The following SLC4A10 variants were observed in gnomAD, a reference collection of about 807,000 sequenced individuals.
SLC4A10 encodes the protein sodium-driven chloride bicarbonate exchanger.
In SLC4A10, 42 loss-of-function variants were observed where a neutral mutation model predicts 137.7. The observed-to-expected ratio is 0.30, with a 90% CI of 0.24 to 0.39. The LOEUF (loss-of-function observed/expected upper bound fraction) is 0.39. Among genes scored for constraint, SLC4A10 ranks in the 10% least tolerant of loss-of-function variants. The pLI, the probability that SLC4A10 is intolerant of heterozygous loss-of-function variation, is 1.00. For synonymous variants in SLC4A10, 474 were observed against 464.1 expected, an observed-to-expected ratio of 1.02 and a Z score of -0.27; for missense variants, 925 against 1,355.0, an observed-to-expected ratio of 0.68 and a Z score of 4.98.
At chr2:161,651,736 A>G (rs1169399281) in intron 1 of SLC4A10, among the ~76,000 whole-genome samples, 13 of 152,192 alleles carry the variant, frequency 8.5e-5, no homozygotes, top group Admixed American at 7.9e-4. Flanking sequence ...CTGCCCCACC[A>G]CAGCAGCTGG....
At chr2:161,880,844 C>T (rs748178034) in intron 9 of SLC4A10, among the ~76,000 whole-genome samples, 1 of 151,952 alleles carries the variant, frequency 6.6e-6, no homozygotes, top group Non-Finnish European at 1.5e-5. Flanking sequence ...CAAATGATGG[C>T]TATTTACGAC....
chr2:161,810,017 C>T (rs1442036955), intron 3 of SLC4A10, among the ~76,000 whole-genome samples: 4 of 151,866 alleles, frequency 2.6e-5, no homozygotes, highest in African/African-American at 4.8e-5. Flanking sequence ...GAGTGTGGAA[C>T]ATTTTTACAT....
In SLC4A10 at chr2:161,964,192, T is replaced by C. The variant is rs747209025; in HGVS notation, c.2920T>C (p.Tyr974His). The C allele has an allele frequency of 1.2e-6, 2 of 1,613,016 alleles. No homozygotes were observed. The highest frequency in any genetic ancestry group is 1.7e-6 in the Non-Finnish European group (2 of 1,179,446). Reference sequence around the variant, plus strand: ...GGCAAAACATCAACCAGATTTTATATACCTAAGGCACGTACCGCTTCGAAA... The same window carrying C: ...GGCAAAACATCAACCAGATTTTATACACCTAAGGCACGTACCGCTTCGAAA... ...MPAKHQPDFI[Y>H]LRHVPLRKVH... is the part of the protein sequence containing the mutation. Residue 974 changes from tyrosine to histidine, a missense_variant, in exon 22 of 27, where the codon TAC (tyrosine) becomes CAC (histidine). Physicochemically the swap from Tyr to His is moderately conservative, Grantham distance 83 (BLOSUM62 2). Around this residue, in one of 11 missense-constraint regions of SLC4A10, gnomAD observed 115 missense variants for 237.5 expected, o/e 0.48. Transcript: ENST00000446997.
At chr2:161,939,096 G>A (rs1466076277) in intron 15 of SLC4A10, among the ~76,000 whole-genome samples, 1 of 150,944 alleles carries the variant, frequency 6.6e-6, no homozygotes, top group African/African-American at 2.4e-5. Context: ...TTATTTTATT[G>A]AGACCAGTCT....
intron 1 of SLC4A10, among the ~76,000 whole-genome samples, chr2:161,632,893 G>A (rs1261726511): frequency 6.6e-6 from 1 of 151,560 alleles, no homozygotes; most frequent in African/African-American, 2.4e-5. Flanking sequence ...ACTAAGTTTT[G>A]CCATAAAACA....
At chr2:161,792,133 C>T (rs1000555418) in intron 2 of SLC4A10, among the ~76,000 whole-genome samples, 3 of 152,012 alleles carry the variant, frequency 2.0e-5, no homozygotes, top group Admixed American at 2.0e-4. Flanking sequence ...TATATTTGCT[C>T]TTTAATGTGA....
intron 2 of SLC4A10, among the ~76,000 whole-genome samples, chr2:161,792,444 C>T (rs2125540764): frequency 6.6e-6 from 1 of 151,336 alleles, no homozygotes; most frequent in East Asian, 1.9e-4. Flanking sequence ...GTTTTCTAGA[C>T]ATCTGAGACT....
At chr2:161,730,626 TCAAA>T (rs2046726301) in intron 1 of SLC4A10, among the ~76,000 whole-genome samples, 1 of 152,186 alleles carries the variant, frequency 6.6e-6, no homozygotes, top group Non-Finnish European at 1.5e-5. Context: ...CTGAATTTGT[TCAAA>T]CAAAGGTTAG....
rs2061086079 is a variant in SLC4A10, at chr2:161,871,040, C to T, written c.767-1253C>T. Among the ~76,000 whole-genome samples, 5 of 151,916 alleles carry T rather than the reference C, an allele frequency of 3.3e-5. No homozygotes were observed. In the South Asian group the frequency reaches 1.0e-3, roughly 32 times the overall value. ...GAGGCTTACTAGTCCAAAAAGCAAACTTATAGTAATATTTGAAAGTAAATA... is the reference window on the plus strand; with the variant it reads ...GAGGCTTACTAGTCCAAAAAGCAAATTTATAGTAATATTTGAAAGTAAATA... On this transcript the variant is annotated intron_variant, in intron 6 of 26. Transcript: ENST00000446997.
At chr2:161,808,493 G>A (rs2056225105) in intron 3 of SLC4A10, among the ~76,000 whole-genome samples, 1 of 152,032 alleles carries the variant, frequency 6.6e-6, no homozygotes, top group Non-Finnish European at 1.5e-5. Context: ...TGTGATGCTG[G>A]GGTTTGGGAT....
At chr2:161,633,412 A>G (rs189308258) in intron 1 of SLC4A10, among the ~76,000 whole-genome samples, 89 of 151,862 alleles carry the variant, frequency 5.9e-4, no homozygotes, top group African/African-American at 1.8e-3. Flanking sequence ...CAACACTAGC[A>G]GACATTAATT....
chr2:161,652,918 G>C (rs961290205), intron 1 of SLC4A10, among the ~76,000 whole-genome samples: 3 of 151,638 alleles, frequency 2.0e-5, no homozygotes, highest in Non-Finnish European at 4.4e-5. Flanking sequence ...TTGTTACACA[G>C]GTATACACGT....
intron 7 of SLC4A10, among the ~76,000 whole-genome samples, chr2:161,873,244 G>C (rs2061247486): frequency 6.6e-6 from 1 of 152,160 alleles, no homozygotes; most frequent in Non-Finnish European, 1.5e-5. Context: ...GACAACTGAA[G>C]TGAAATCATT....
intron 22 of SLC4A10, 81 bp from the exon 23 acceptor site, chr2:161,964,970 C>G: frequency 7.6e-7 from 1 of 1,321,480 alleles, no homozygotes; most frequent in Non-Finnish European, 1.0e-6. Context: ...GAAATTGTTT[C>G]TACCAAAAAC....
intron 3 of SLC4A10, among the ~76,000 whole-genome samples, chr2:161,810,562 G>T (rs573145023): frequency 6.6e-6 from 1 of 151,990 alleles, no homozygotes; most frequent in Non-Finnish European, 1.5e-5. Context: ...CCTGTTGAGG[G>T]TATTTTATCA....
At chr2:161,650,012 T>C (rs2036567523) in intron 1 of SLC4A10, among the ~76,000 whole-genome samples, 1 of 152,236 alleles carries the variant, frequency 6.6e-6, no homozygotes, top group Non-Finnish European at 1.5e-5. Flanking sequence ...AACATTGGTG[T>C]ATTACTTTCA....
intron 1 of SLC4A10, among the ~76,000 whole-genome samples, chr2:161,769,909 G>C (rs2051359172): frequency 6.6e-6 from 1 of 151,588 alleles, no homozygotes; most frequent in Non-Finnish European, 1.5e-5. Context: ...TGGAAGAAAG[G>C]CAGGTCCCCA....
chr2:161,816,779 T>C (rs575914578), intron 3 of SLC4A10, among the ~76,000 whole-genome samples: 2 of 152,204 alleles, frequency 1.3e-5, no homozygotes, highest in Admixed American at 6.5e-5. Context: ...GGTTTCCAGC[T>C]TCATCCATGT....
At position 161,855,012 on chromosome 2, in the gene SLC4A10, G is replaced by A; in HGVS notation, c.459G>A (p.Arg153=). 6.2e-7 allele frequency: 1 copy of A among 1,613,146 alleles called. No individual in the cohort carries two copies. Among genetic ancestry groups the A allele is most frequent in the South Asian group, 1.1e-5 (1 of 90,970 alleles). The part of the protein sequence containing the change: ...FEEDVEDGGE[R]WSKPYVATLS... ...AAGATGTGGAAGATGGAGGAGAAAG[G>A]TGGAGCAAGCCTTATGTGGCTACTC... Residue 153 remains arginine (R), a synonymous_variant, in exon 5 of 27, where the codon AGG becomes AGA. Transcript: ENST00000446997.
Sources: allele counts gnomAD v4.1 joint callset (sites outside exome capture counted in the v4.1 genomes callset), GRCh38; gene constraint gnomAD v4.1.1; regional missense constraint gnomAD v4.1.1; transcripts MANE v1.5; gene names NCBI Gene and HGNC (gene_info 2026-07-23, HGNC 2026-07-21).